Variants in GRIK4 observed in about 807,000 individuals in gnomAD.
The protein encoded by GRIK4 is glutamate ionotropic receptor kainate type subunit 4.
Under a neutral mutation model 104.9 loss-of-function variants are expected in GRIK4, and 40 were observed. The observed-to-expected ratio is 0.38, with a 90% CI of 0.30 to 0.50. GRIK4 has a LOEUF of 0.50. Among genes scored for constraint, GRIK4 ranks in the 20% least tolerant of loss-of-function variants. The pLI, the probability that GRIK4 is intolerant of heterozygous loss-of-function variation, is 0.93. For synonymous variants in GRIK4, 485 were observed against 524.9 expected (o/e 0.92, Z 1.04); for missense variants, 1,047 against 1,308.1 (o/e 0.80, Z 3.08).
intron 1 of GRIK4, chr11:120,514,899 C>A (rs988785660): frequency 3.5e-4 from 157 of 448,420 alleles, no homozygotes; most frequent in South Asian, 2.2e-3. Flanking sequence ...TGGCTGTTCA[C>A]CCTGAGTTAC....
intron 1 of GRIK4, among the ~76,000 whole-genome samples, chr11:120,584,923 T>C (rs989029080): frequency 6.6e-6 from 1 of 152,200 alleles, no homozygotes. Flanking sequence ...CATGGTAGAT[T>C]AGCTTTTTGA....
At chr11:120,632,672 C>T (rs929949719) in intron 1 of GRIK4, among the ~76,000 whole-genome samples, 2 of 152,126 alleles carry the variant, frequency 1.3e-5, no homozygotes, top group African/African-American at 4.8e-5. Context: ...CTCACACCAC[C>T]CAGCATGTCC....
At chr11:120,612,499 CAAAA>C (rs11333522) in intron 1 of GRIK4, among the ~76,000 whole-genome samples, 38 of 147,456 alleles carry the variant, frequency 2.6e-4, no homozygotes, top group African/African-American at 7.7e-4. Context: ...ACTTTTGAGG[CAAAA>C]AAAAAAAAAA....
chr11:120,587,744 A>ATTTTAGGCC (rs1276904469), intron 1 of GRIK4, among the ~76,000 whole-genome samples: 2 of 151,952 alleles, frequency 1.3e-5, no homozygotes, highest in Non-Finnish European at 2.9e-5. Context: ...AGTCTTGGGG[A>ATTTTAGGCC]TTTTAGGCCT....
chr11:120,798,948 G>A (rs978735310), intron 3 of GRIK4, among the ~76,000 whole-genome samples: 1 of 152,198 alleles, frequency 6.6e-6, no homozygotes, highest in Non-Finnish European at 1.5e-5. Context: ...ACTCTTGAAT[G>A]TTTACTTTGC....
rs891190963 is a variant in GRIK4 at position 120,719,825 on chromosome 11, A to G, written c.82+59425A>G. On this transcript the variant is annotated intron_variant, in intron 3 of 20. Transcript: ENST00000527524. ...TCCAGAAGGATCCTTCTTTTTATGTATAGGTATTTGCTAAGGCACTTCTAC... is the reference window on the plus strand; with the variant it reads ...TCCAGAAGGATCCTTCTTTTTATGTGTAGGTATTTGCTAAGGCACTTCTAC... Among the ~76,000 whole-genome samples the G allele has an allele frequency of 4.6e-5, 7 of 152,318 alleles. 1 individual carries two copies. Among genetic ancestry groups the G allele is most frequent in the South Asian group, 2.1e-4 (1 of 4,830 alleles).
Position 120,819,304 on chromosome 11 carries a change from G to A in GRIK4, c.346-451G>A, listed in dbSNP as rs961231614. Among the ~76,000 whole-genome samples the A allele has an allele frequency of 1.3e-5, 2 of 152,158 alleles. No homozygotes were observed. The highest frequency in any genetic ancestry group is 4.8e-5 in the African/African-American group (2 of 41,444). The stretch of plus-strand genomic sequence containing the variant: ...CCTGTTGGCTGGGCTGGGCTGATGG[G>A]ACTCTTCTCTTAGTCCCAGGGTAGC... On this transcript the variant is annotated intron_variant, in intron 5 of 20. Coordinates refer to ENST00000527524, the MANE Select transcript of GRIK4 (RefSeq NM_014619.5). This position sits in a 1 kb window ranked among gnomAD's most constrained non-coding sequence, Gnocchi z 4.3.
intron 1 of GRIK4, among the ~76,000 whole-genome samples, chr11:120,617,381 T>C (rs761244022): frequency 5.3e-5 from 8 of 151,730 alleles, no homozygotes; most frequent in Non-Finnish European, 8.8e-5. Context: ...TTTATCTTAT[T>C]TATTTATTTA....
At chr11:120,564,473 G>A (rs1267018632) in intron 1 of GRIK4, 1 of 152,212 alleles carries the variant, frequency 6.6e-6, no homozygotes, top group Non-Finnish European at 1.5e-5. Flanking sequence ...GAGTGGGGTC[G>A]GAGCGCAGGG....
At chr11:120,799,632 G>A (rs1371712067) in intron 3 of GRIK4, among the ~76,000 whole-genome samples, 3 of 152,086 alleles carry the variant, frequency 2.0e-5, no homozygotes, top group Non-Finnish European at 2.9e-5. Context: ...CCAATTCCTC[G>A]TGTCCAAGTG....
chr11:120,572,209 C>T (rs1948409485), intron 1 of GRIK4, among the ~76,000 whole-genome samples: 1 of 152,120 alleles, frequency 6.6e-6, no homozygotes, highest in Non-Finnish European at 1.5e-5. Flanking sequence ...TTGAGGGCTC[C>T]ACCCTCCTGA....
intron 3 of GRIK4, among the ~76,000 whole-genome samples, chr11:120,801,327 G>A (rs1952617869): frequency 6.6e-6 from 1 of 152,202 alleles, no homozygotes; most frequent in Non-Finnish European, 1.5e-5. Flanking sequence ...CCGGGTTCAA[G>A]TGATTCTCCT....
Position 120,604,356 on chromosome 11 carries a change from C to T in GRIK4, c.-158-49329C>T, listed in dbSNP as rs186677372. Among the ~76,000 whole-genome samples, 35 of 152,216 alleles carry T rather than the reference C, an allele frequency of 2.3e-4. No homozygotes were observed. The South Asian group carries it at 3.5e-3, about 15-fold the overall frequency. On this transcript the variant is annotated intron_variant, in intron 1 of 20. Coordinates refer to ENST00000527524, the MANE Select transcript of GRIK4 (RefSeq NM_014619.5). ...CCCCCTGGGCATCGCATTGCTTTTCCTATCTCAGGAAGGCATGAACTAAAT... is the reference window on the plus strand; with the variant it reads ...CCCCCTGGGCATCGCATTGCTTTTCTTATCTCAGGAAGGCATGAACTAAAT...
chr11:120,839,523 G>T (rs998398219), intron 8 of GRIK4, among the ~76,000 whole-genome samples: 1 of 152,214 alleles, frequency 6.6e-6, no homozygotes, highest in African/African-American at 2.4e-5. Flanking sequence ...TTAGGAGAAG[G>T]TGTTATTTTA....
chr11:120,871,846 G>A (rs1223888745), intron 9 of GRIK4: 1 of 456,392 alleles, frequency 2.2e-6, no homozygotes, highest in Admixed American at 2.3e-5. Flanking sequence ...CAGCCAGGTA[G>A]TTTTGTGATG....
At chr11:120,788,591 A>G (rs983267296) in intron 3 of GRIK4, among the ~76,000 whole-genome samples, 1 of 151,746 alleles carries the variant, frequency 6.6e-6, no homozygotes, top group South Asian at 2.1e-4. Flanking sequence ...AAGGCACCCA[A>G]GAAGGGGGAG....
At chr11:120,843,566 G>GT (rs901252840) in intron 8 of GRIK4, among the ~76,000 whole-genome samples, 5 of 152,190 alleles carry the variant, frequency 3.3e-5, no homozygotes, top group African/African-American at 1.2e-4. Flanking sequence ...GTGCTTCACA[G>GT]TTTTTTCCCA....
At chr11:120,805,408 T>C (rs753643239) in intron 4 of GRIK4, among the ~76,000 whole-genome samples, 10 of 152,222 alleles carry the variant, frequency 6.6e-5, no homozygotes, top group Admixed American at 1.3e-4. Context: ...TAGTGACCCA[T>C]GCAGCCTGAC....
intron 3 of GRIK4, among the ~76,000 whole-genome samples, chr11:120,795,853 CT>C (rs1952500247): frequency 6.6e-6 from 1 of 152,046 alleles, no homozygotes; most frequent in Non-Finnish European, 1.5e-5. Context: ...ACTCGAGTCC[CT>C]TGTGTAAAAT....
Sources: gnomAD v4.1 joint callset for allele counts (sites outside exome capture counted in the v4.1 genomes callset) on GRCh38, gnomAD v4.1.1 for gene constraint, Gnocchi (gnomAD v3.1) non-coding constraint, MANE v1.5 for transcripts, NCBI Gene and HGNC (gene_info 2026-07-23, HGNC 2026-07-21) for gene names.